Variants in COQ8A observed in about 807,000 individuals in gnomAD.
COQ8A encodes atypical kinase COQ8A, mitochondrial.
COQ8A carries 51 observed loss-of-function variants against 65.0 expected under a neutral mutation model. The ratio of observed to expected loss-of-function variants is 0.78; its 90% CI spans 0.63 to 0.99. The LOEUF (loss-of-function observed/expected upper bound fraction) is 0.99, where lower values mean the gene tolerates loss of function less well. Ranked by LOEUF, COQ8A falls within the 50% of genes least tolerant of loss-of-function variation. The pLI is 0.00. For missense variants in COQ8A, 940 were observed against 875.0 expected, an observed-to-expected ratio of 1.07 and a Z score of -0.94; for synonymous variants, 371 against 353.2, an observed-to-expected ratio of 1.05 and a Z score of -0.57.
chr1:226,959,315 G>A (rs1048063562), intron 1 of COQ8A, among the ~76,000 whole-genome samples: 1 of 152,070 alleles, frequency 6.6e-6, no homozygotes. Context: ...AGCCTGAGGT[G>A]GGAGGATCAG....
chr1:226,963,898 C>T (rs1008520474), intron 2 of COQ8A, among the ~76,000 whole-genome samples: 1 of 152,258 alleles, frequency 6.6e-6, no homozygotes, highest in African/African-American at 2.4e-5. Flanking sequence ...AGCCATCGCA[C>T]TGGCATAAAT....
At position 226,965,693 on chromosome 1, in the gene COQ8A, G is replaced by T; in HGVS notation, c.611G>T (p.Arg204Leu). The T allele has an allele frequency of 6.2e-7, 1 of 1,614,074 alleles. No homozygotes were observed. The highest frequency in any genetic ancestry group is 8.5e-7 in the Non-Finnish European group (1 of 1,180,044). ...KQTLSEHARE[R>L]KVPVTRIGRL... is the part of the protein sequence containing the mutation. Reference sequence around the variant, plus strand: ...CAGCTCAGCGAGCATGCCCGGGAGCGGAAGGTGCCTGTGACGAGGATTGGC... The same window carrying T: ...CAGCTCAGCGAGCATGCCCGGGAGCTGAAGGTGCCTGTGACGAGGATTGGC... The change falls in exon 4 of 15, where the codon CGG becomes CTG. Residue 204 changes from arginine (R) to leucine (L), a missense_variant. Transcript: ENST00000366777.
At chr1:226,984,745 A>G (rs905637445) in intron 12 of COQ8A, 90 bp downstream of exon 12, 7 of 1,511,338 alleles carry the variant, frequency 4.6e-6, no homozygotes, top group Non-Finnish European at 6.4e-6. Flanking sequence ...TTGTCCTGGG[A>G]AAGTCAGCAG....
intron 5 of COQ8A, among the ~76,000 whole-genome samples, chr1:226,981,015 T>C (rs538234250): frequency 4.5e-4 from 68 of 152,314 alleles, no homozygotes; most frequent in South Asian, 1.0e-3. Context: ...CTGGGTGCTG[T>C]GGGGGCCAGA....
At chr1:226,986,266 C>A (rs1660105451) in intron 14 of COQ8A, among the ~76,000 whole-genome samples, 187 bp from the exon 15 acceptor site, 1 of 152,222 alleles carries the variant, frequency 6.6e-6, no homozygotes. Context: ...ATCACATCAG[C>A]CCAGTCCATG....
At chr1:226,963,352 C>T (rs560685952) in intron 2 of COQ8A, among the ~76,000 whole-genome samples, 2 of 152,356 alleles carry the variant, frequency 1.3e-5, no homozygotes, top group African/African-American at 4.8e-5. Flanking sequence ...CTCCAGGATC[C>T]TGTCTCCCTC....
At chr1:226,984,488 T>C in intron 11 of COQ8A, 60 bp from the exon 12 acceptor site, 1 of 1,454,106 alleles carries the variant, frequency 6.9e-7, no homozygotes. Flanking sequence ...CTGGCCCCAG[T>C]CTCCCAGGGC....
At chr1:226,957,226 TCTC>T (rs1657845920) in intron 1 of COQ8A, among the ~76,000 whole-genome samples, 1 of 118,514 alleles carries the variant, frequency 8.4e-6, no homozygotes, top group Non-Finnish European at 1.7e-5. Context: ...TGGTTCACAC[TCTC>T]CCTAGTTCAC....
At chr1:226,985,869 C>T (rs1660076288) in intron 14 of COQ8A, among the ~76,000 whole-genome samples, 1 of 152,180 alleles carries the variant, frequency 6.6e-6, no homozygotes, top group Admixed American at 6.5e-5. Context: ...GTCAGTATCT[C>T]TGAGCCCCCC....
In COQ8A at chr1:226,965,693, G is replaced by C; in HGVS notation, c.611G>C (p.Arg204Pro). ...CAGCTCAGCGAGCATGCCCGGGAGC[G>C]GAAGGTGCCTGTGACGAGGATTGGC... ...KQTLSEHARE[R>P]KVPVTRIGRL... The change falls in exon 4 of 15, where the codon CGG (arginine) becomes CCG (proline). Residue 204 changes from arginine (R) to proline (P), a missense_variant. Coordinates refer to ENST00000366777, the MANE Select transcript of COQ8A (RefSeq NM_020247.5). 6.2e-7 allele frequency: 1 copy of C among 1,614,074 alleles called. No individual in the cohort carries two copies.
intron 1 of COQ8A, among the ~76,000 whole-genome samples, chr1:226,943,906 T>A (rs139751945): frequency 6.6e-6 from 1 of 152,214 alleles, no homozygotes; most frequent in African/African-American, 2.4e-5. Flanking sequence ...CTTGGTTTGT[T>A]CTGGAAATGG....
chr1:226,986,851 G>A lies in COQ8A; in HGVS notation c.*114G>A. ...TTTAACTCCTTTGCCCAATAAGGGG[G>A]GTGGCTGCCTGGAGCCCCGTAGCCA... On this transcript the variant is annotated 3_prime_UTR_variant, in exon 15 of 15. Transcript: ENST00000366777. The A allele has an allele frequency of 7.3e-7, 1 of 1,367,336 alleles. No homozygotes were observed. Among genetic ancestry groups the A allele is most frequent in the South Asian group, 1.3e-5 (1 of 78,838 alleles). 84.7% of individuals were successfully genotyped at this position (1,367,336 alleles called of 1,614,324 possible). A position where few individuals can be genotyped will look rare whatever the true frequency, so the allele number is the denominator to read the frequency against.
intron 4 of COQ8A, 66 bp downstream of exon 4, chr1:226,965,803 A>T (rs897986149): frequency 1.3e-6 from 2 of 1,546,794 alleles, no homozygotes; most frequent in African/African-American, 2.7e-5. Flanking sequence ...TGCGGCCTGC[A>T]TGGAGGTGGG....
intron 5 of COQ8A, among the ~76,000 whole-genome samples, chr1:226,981,287 C>T (rs994654499): frequency 1.3e-5 from 2 of 152,214 alleles, no homozygotes; most frequent in East Asian, 1.9e-4. Flanking sequence ...GACCCAGCAG[C>T]CCTGGGCCAC....
chr1:226,953,519 A>G (rs1485214222), intron 1 of COQ8A, among the ~76,000 whole-genome samples: 2 of 152,214 alleles, frequency 1.3e-5, no homozygotes, highest in African/African-American at 4.8e-5. Context: ...ACTTCCTGGA[A>G]GATGTGCTCT....
At chr1:226,983,975 C>G (rs955322017) in intron 10 of COQ8A, 119 bp from the exon 11 acceptor site, 70 of 1,554,548 alleles carry the variant, frequency 4.5e-5, no homozygotes, top group Non-Finnish European at 6.0e-5. Context: ...GCAGCCTGGG[C>G]CGAGGCCATA....
chr1:226,980,117 G>C (rs1659599177), intron 5 of COQ8A, among the ~76,000 whole-genome samples: 1 of 152,204 alleles, frequency 6.6e-6, no homozygotes, highest in African/African-American at 2.4e-5. Flanking sequence ...CTGTGCTCCA[G>C]CTTCCTGACC....
intron 1 of COQ8A, among the ~76,000 whole-genome samples, chr1:226,960,513 G>T (rs902126775): frequency 6.6e-6 from 1 of 150,672 alleles, no homozygotes; most frequent in South Asian, 2.1e-4. Context: ...CTTGGTGGTG[G>T]TGGTGGTGCT....
At chr1:226,943,498 C>T (rs113694636) in intron 1 of COQ8A, among the ~76,000 whole-genome samples, 3,577 of 152,214 alleles carry the variant, frequency 0.023, 48 homozygotes, top group Non-Finnish European at 0.035. Context: ...TGGCCCGAGT[C>T]CCCAAGGGGA....
Sources: gnomAD v4.1 joint callset for allele counts (sites outside exome capture counted in the v4.1 genomes callset) on GRCh38, gnomAD v4.1.1 for gene constraint, MANE v1.5 for transcripts, NCBI Gene and HGNC (gene_info 2026-07-23, HGNC 2026-07-21) for gene names.